The following AKAP6 variants were observed in gnomAD, a reference collection of about 807,000 sequenced individuals.
AKAP6 encodes A-kinase anchoring protein 6, also known as A-kinase anchor protein 6.
In AKAP6, 58 loss-of-function variants were observed where a neutral mutation model predicts 188.5. The ratio of observed to expected loss-of-function variants is 0.31; its 90% CI spans 0.25 to 0.38. The LOEUF is 0.38. AKAP6 is among the 10% of genes least tolerant of loss of function. The probability of loss-of-function intolerance (pLI) is 1.00; values close to 1 mark genes in which losing one functional copy is unlikely to be tolerated. For synonymous variants in AKAP6, 989 were observed against 998.6 expected (o/e 0.99, Z 0.18); for missense variants, 2,710 against 2,740.0 (o/e 0.99, Z 0.24).
chr14:32,404,693 T>G (rs899919633), intron 1 of AKAP6, among the ~76,000 whole-genome samples: 1 of 118,976 alleles, frequency 8.4e-6, no homozygotes, highest in African/African-American at 3.0e-5. Context: ...AGTCAGGAGA[T>G]ATATATATAT....
At chr14:32,438,854 A>G (rs769293607) in intron 2 of AKAP6, 9 of 152,212 alleles carry the variant, frequency 5.9e-5, no homozygotes, top group Non-Finnish European at 1.2e-4. Flanking sequence ...TAAAAAGGCA[A>G]AGTAGGTATC....
chr14:32,376,332 A>T (rs2138534511), intron 1 of AKAP6, among the ~76,000 whole-genome samples: 1 of 152,332 alleles, frequency 6.6e-6, no homozygotes, highest in East Asian at 1.9e-4. Context: ...TTTAAGTGAG[A>T]TATAATAAGC....
At chr14:32,420,782 C>T (rs116514157) in intron 1 of AKAP6, among the ~76,000 whole-genome samples, 4,541 of 152,096 alleles carry the variant, frequency 0.03, 161 homozygotes, top group African/African-American at 0.094. Context: ...ATTTCCCTTC[C>T]TCTTCACTCT....
intron 7 of AKAP6, among the ~76,000 whole-genome samples, chr14:32,616,203 A>G (rs1400772475): frequency 1.3e-5 from 2 of 152,178 alleles, no homozygotes. Flanking sequence ...GGGATTTCTC[A>G]AAGAGATAAA....
At chr14:32,496,140 C>T (rs1186081355) in intron 2 of AKAP6, among the ~76,000 whole-genome samples, 1 of 152,150 alleles carries the variant, frequency 6.6e-6, no homozygotes, top group African/African-American at 2.4e-5. Context: ...CCTCATGTCA[C>T]ATGACAGACA....
At chr14:32,549,459 G>A (rs931698233) in intron 4 of AKAP6, among the ~76,000 whole-genome samples, 3 of 152,112 alleles carry the variant, frequency 2.0e-5, no homozygotes, top group Admixed American at 6.5e-5. Context: ...AATGAGCATG[G>A]ATATGGGGTA....
chr14:32,522,858 A>G (rs1881917143), intron 2 of AKAP6, among the ~76,000 whole-genome samples: 1 of 152,230 alleles, frequency 6.6e-6, no homozygotes, highest in South Asian at 2.1e-4. Flanking sequence ...CCAAAGGATT[A>G]TAAAGACACA....
chr14:32,809,343 A>G (rs1287040873), intron 12 of AKAP6, among the ~76,000 whole-genome samples: 2 of 152,236 alleles, frequency 1.3e-5, no homozygotes, highest in African/African-American at 2.4e-5. Flanking sequence ...GCATAGAGCT[A>G]TCTACTTCTG....
At chr14:32,732,301 T>G in intron 9 of AKAP6, 153 bp from the exon 10 acceptor site, 1 of 216,486 alleles carries the variant, frequency 4.6e-6, no homozygotes. Context: ...GCAATATTCT[T>G]CATCTACTCA....
At chr14:32,605,459 G>A (rs952391340) in intron 7 of AKAP6, among the ~76,000 whole-genome samples, 8 of 152,094 alleles carry the variant, frequency 5.3e-5, no homozygotes, top group East Asian at 1.9e-4. Flanking sequence ...GCACCAAGAC[G>A]TAACAATGTG....
intron 9 of AKAP6, among the ~76,000 whole-genome samples, chr14:32,710,449 T>G (rs1030698436): frequency 5.9e-5 from 9 of 151,932 alleles, no homozygotes; most frequent in Admixed American, 5.9e-4. Flanking sequence ...TTTTTAAACA[T>G]AAAAGAAGTG....
chr14:32,616,175 A>G (rs1254007143), intron 7 of AKAP6, among the ~76,000 whole-genome samples: 1 of 152,208 alleles, frequency 6.6e-6, no homozygotes. Context: ...TAGCTTGATC[A>G]TTGTGGAAAG....
intron 1 of AKAP6, among the ~76,000 whole-genome samples, chr14:32,383,804 A>G (rs1008134751): frequency 1.3e-5 from 2 of 152,188 alleles, no homozygotes; most frequent in Non-Finnish European, 2.9e-5. Context: ...ACTTTTGCTT[A>G]ACTCAAGAAA....
intron 13 of AKAP6, among the ~76,000 whole-genome samples, chr14:32,828,085 A>C (rs2034720202): frequency 6.6e-6 from 1 of 152,168 alleles, no homozygotes; most frequent in South Asian, 2.1e-4. Flanking sequence ...TGGTCTGTAA[A>C]TGTGATAGTT....
At chr14:32,710,596 C>T (rs766814301) in intron 9 of AKAP6, among the ~76,000 whole-genome samples, 3 of 151,820 alleles carry the variant, frequency 2.0e-5, no homozygotes, top group African/African-American at 4.8e-5. Context: ...AACAAGGGTG[C>T]GCAATCACAG....
Position 32,546,298 on chromosome 14 carries a change from G to C in AKAP6, c.1645G>C (p.Ala549Pro), listed in dbSNP as rs754993304. 6.2e-7 allele frequency: 1 copy of C among 1,614,162 alleles called. No individual in the cohort carries two copies. Among genetic ancestry groups the C allele is most frequent in the Non-Finnish European group, 8.5e-7 (1 of 1,180,022 alleles). Residue 549 changes from alanine to proline, a missense_variant, in exon 4 of 14, where the codon GCT becomes CCT. Physicochemically the swap from Ala to Pro is conservative, Grantham distance 27. Around this residue, in one of 2 missense-constraint regions of AKAP6, gnomAD observed 2,473 missense variants for 2,426.1 expected, o/e 1.02. Coordinates refer to ENST00000280979, the MANE Select transcript of AKAP6 (RefSeq NM_004274.5). ...KAIEGPQTNS[A>P]STSSLEPCNQ... ...CATAGAGGGGCCACAAACAAATTCT[G>C]CTTCCACATCCTCACTTGAGCCTTG...
At chr14:32,496,347 C>G (rs183517583) in intron 2 of AKAP6, among the ~76,000 whole-genome samples, 1 of 152,052 alleles carries the variant, frequency 6.6e-6, no homozygotes, top group Non-Finnish European at 1.5e-5. Context: ...ATAAGTTTCT[C>G]AGGAACAAAA....
chr14:32,586,587 C>T (rs1307445664), intron 5 of AKAP6, among the ~76,000 whole-genome samples: 3 of 152,112 alleles, frequency 2.0e-5, no homozygotes, highest in Admixed American at 6.5e-5. Flanking sequence ...GCTGAGATTG[C>T]GTCACTGCAC....
chr14:32,576,313 G>A (rs1884715708), intron 4 of AKAP6, among the ~76,000 whole-genome samples: 1 of 152,046 alleles, frequency 6.6e-6, no homozygotes, highest in African/African-American at 2.4e-5. Flanking sequence ...ACGGAAAGCA[G>A]GAGCCCAGCC....
Sources: gnomAD v4.1 joint callset for allele counts (sites outside exome capture counted in the v4.1 genomes callset) on GRCh38, gnomAD v4.1.1 for gene constraint, gnomAD v4.1.1 regional missense constraint, MANE v1.5 for transcripts, NCBI Gene and HGNC (gene_info 2026-07-23, HGNC 2026-07-21) for gene names.